The following LINGO2 variants were observed in gnomAD, a reference collection of about 807,000 sequenced individuals.
LINGO2 encodes the protein leucine-rich repeat and immunoglobulin-like domain-containing nogo receptor-interacting protein 2.
LINGO2 carries 14 observed loss-of-function variants against 30.6 expected under a neutral mutation model. That is an observed-to-expected ratio of 0.46 (90% confidence interval 0.30 to 0.72). The LOEUF (loss-of-function observed/expected upper bound fraction) is 0.72. Ranked by LOEUF, LINGO2 falls within the 30% of genes least tolerant of loss-of-function variation. The pLI is 0.07. For missense variants in LINGO2, 729 were observed against 751.7 expected, an observed-to-expected ratio of 0.97 and a Z score of 0.35; for synonymous variants, 317 against 288.5, an observed-to-expected ratio of 1.10 and a Z score of -1.00.
intron 1 of LINGO2, among the ~76,000 whole-genome samples, chr9:28,611,463 C>G (rs1453818288): frequency 6.6e-6 from 1 of 152,030 alleles, no homozygotes; most frequent in Non-Finnish European, 1.5e-5. Flanking sequence ...AGGCACCATG[C>G]TGCACATCAG....
At chr9:29,190,790 T>C in the LINGO2 span, among the ~76,000 whole-genome samples, 1 of 152,198 alleles carries the variant, frequency 6.6e-6, no homozygotes, top group African/African-American at 2.4e-5. Context: ...TTATTAACTT[T>C]CCAAGCATTC....
intron 1 of LINGO2, among the ~76,000 whole-genome samples, chr9:28,570,347 T>C (rs1490736847): frequency 6.6e-6 from 1 of 151,896 alleles, no homozygotes. Context: ...AATAAAGAAT[T>C]GGACATTGCA....
chr9:28,927,635 A>G, the LINGO2 span, among the ~76,000 whole-genome samples: 1 of 152,320 alleles, frequency 6.6e-6, no homozygotes, highest in Admixed American at 6.5e-5. Context: ...GTTGAAGACA[A>G]TAGTTTGTGT....
At chr9:28,661,208 T>A (rs2136009773) in intron 1 of LINGO2, among the ~76,000 whole-genome samples, 1 of 152,264 alleles carries the variant, frequency 6.6e-6, no homozygotes, top group Non-Finnish European at 1.5e-5. Flanking sequence ...TAAATACTAT[T>A]CTTTGTCTTG....
At chr9:28,931,705 A>G in the LINGO2 span, among the ~76,000 whole-genome samples, 2 of 152,356 alleles carry the variant, frequency 1.3e-5, no homozygotes, top group East Asian at 3.9e-4. Flanking sequence ...GGATTGGAAT[A>G]TAACTGTTTA....
At chr9:28,437,175 C>G (rs79412712) in intron 2 of LINGO2, among the ~76,000 whole-genome samples, 8,446 of 152,266 alleles carry the variant, frequency 0.055, 297 homozygotes, top group Middle Eastern at 0.13. Context: ...GGTCACGATC[C>G]TGGGCTGGGG....
At chr9:28,486,000 C>G (rs369399675) in intron 1 of LINGO2, among the ~76,000 whole-genome samples, 1 of 152,046 alleles carries the variant, frequency 6.6e-6, no homozygotes, top group African/African-American at 2.4e-5. Flanking sequence ...GCAGAGGTTA[C>G]TTTAATTATG....
chr9:28,650,645 C>A (rs1201250549), intron 1 of LINGO2, among the ~76,000 whole-genome samples: 1 of 152,158 alleles, frequency 6.6e-6, no homozygotes, highest in East Asian at 1.9e-4. Flanking sequence ...ATTTCTATTT[C>A]ATTGACATTT....
At chr9:28,264,584 C>T (rs1007655259) in intron 4 of LINGO2, among the ~76,000 whole-genome samples, 4 of 151,764 alleles carry the variant, frequency 2.6e-5, no homozygotes, top group African/African-American at 7.3e-5. Context: ...CACCACTTCC[C>T]GAATCATCTC....
chr9:28,357,681 T>A (rs1340079651), intron 3 of LINGO2, among the ~76,000 whole-genome samples: 4 of 152,136 alleles, frequency 2.6e-5, no homozygotes, highest in Non-Finnish European at 4.4e-5. Context: ...ATATTTCAAC[T>A]AATAATGAGG....
chr9:29,095,704 T>A, the LINGO2 span, among the ~76,000 whole-genome samples: 1 of 139,250 alleles, frequency 7.2e-6, no homozygotes, highest in Non-Finnish European at 1.6e-5. Context: ...GTACTTGGTA[T>A]ATTGTCAAGT....
intron 1 of LINGO2, among the ~76,000 whole-genome samples, chr9:28,613,595 T>C (rs1356061780): frequency 1.3e-5 from 2 of 152,084 alleles, no homozygotes; most frequent in African/African-American, 4.8e-5. Flanking sequence ...CGTACTAGAA[T>C]GTGTAAAGTT....
intron 1 of LINGO2, among the ~76,000 whole-genome samples, chr9:28,604,128 A>G (rs1048573150): frequency 6.6e-6 from 1 of 152,018 alleles, no homozygotes. Flanking sequence ...AGGACAGACC[A>G]TTTAACAATG....
intron 4 of LINGO2, among the ~76,000 whole-genome samples, chr9:28,094,791 T>A (rs929075707): frequency 6.6e-6 from 1 of 152,046 alleles, no homozygotes; most frequent in Non-Finnish European, 1.5e-5. Context: ...ACCATACTTT[T>A]TTTCCCACTC....
chr9:28,611,707 A>G (rs1442618676), intron 1 of LINGO2, among the ~76,000 whole-genome samples: 1 of 152,080 alleles, frequency 6.6e-6, no homozygotes, highest in Admixed American at 6.6e-5. Context: ...GTTGTTACAT[A>G]CAACAGGATT....
At chr9:28,626,185 C>T (rs1474442949) in intron 1 of LINGO2, among the ~76,000 whole-genome samples, 1 of 151,972 alleles carries the variant, frequency 6.6e-6, no homozygotes, top group East Asian at 1.9e-4. Context: ...TGTTGAGTAC[C>T]TTTTCATGTG....
intron 4 of LINGO2, among the ~76,000 whole-genome samples, chr9:28,197,370 G>A (rs1442149990): frequency 1.3e-5 from 2 of 151,762 alleles, no homozygotes; most frequent in African/African-American, 4.8e-5. Context: ...CTTAAACAGT[G>A]TAGTAAAGAT....
the LINGO2 span, among the ~76,000 whole-genome samples, chr9:28,985,004 T>G: frequency 1.3e-5 from 2 of 152,184 alleles, no homozygotes. Context: ...TTTTGTACCC[T>G]TTGACCATTA....
intron 5 of LINGO2, among the ~76,000 whole-genome samples, chr9:27,977,415 T>C (rs1364624004): frequency 6.6e-6 from 1 of 151,264 alleles, no homozygotes; most frequent in Non-Finnish European, 1.5e-5. Flanking sequence ...CGGGGGCGGG[T>C]TGGGGGGAGC....
Sources: gnomAD v4.1 joint callset for allele counts (sites outside exome capture counted in the v4.1 genomes callset) on GRCh38, gnomAD v4.1.1 for gene constraint, MANE v1.5 for transcripts, NCBI Gene and HGNC (gene_info 2026-07-23, HGNC 2026-07-21) for gene names.